The following LIN7A variants were observed in gnomAD, a reference collection of about 807,000 sequenced individuals.
LIN7A encodes protein lin-7 homolog A.
Under a neutral mutation model 29.8 loss-of-function variants are expected in LIN7A, and 25 were observed. The ratio of observed to expected loss-of-function variants is 0.84; its 90% confidence interval spans 0.61 to 1.17. The LOEUF is 1.17. LIN7A is among the 50% of genes most tolerant of loss of function. LIN7A has a pLI of 0.00. For synonymous variants in LIN7A, 118 were observed against 107.5 expected (o/e 1.10, Z -0.60); for missense variants, 239 against 287.0 (o/e 0.83, Z 1.21).
chr12:80,866,982 G>A (rs1171224992), intron 2 of LIN7A, among the ~76,000 whole-genome samples: 3 of 151,964 alleles, frequency 2.0e-5, no homozygotes, highest in Admixed American at 2.0e-4. Context: ...TTATTTTAGA[G>A]ACAGAATCTT....
chr12:80,809,727 G>A (rs1263825089), intron 5 of LIN7A, among the ~76,000 whole-genome samples: 1 of 151,906 alleles, frequency 6.6e-6, no homozygotes, highest in African/African-American at 2.4e-5. Flanking sequence ...TCTAAGATGG[G>A]GTCTCTTAAC....
chr12:80,868,149 C>T (rs1874236303), intron 2 of LIN7A, among the ~76,000 whole-genome samples: 9 of 152,168 alleles, frequency 5.9e-5, no homozygotes, highest in Non-Finnish European at 1.2e-4. Context: ...TTGCCTCCCG[C>T]AAGAGTGTAA....
Position 80,807,066 on chromosome 12 carries a change from T to TTTTTTTTG in LIN7A, c.*4398_*4399insCAAAAAAA, listed in dbSNP as rs1565883739. Among the ~76,000 whole-genome samples the TTTTTTTTG allele has an allele frequency of 5.0e-4, 25 of 50,146 alleles. 1 individual carries two copies. The highest frequency in any genetic ancestry group is 9.2e-4 in the Non-Finnish European group (23 of 25,050). The allele number at this position is 50,146 out of a possible 152,430, so 32.9% of individuals were successfully genotyped here. A position where few individuals can be genotyped will look rare whatever the true frequency, so the allele number is the denominator to read the frequency against. On this transcript the variant is annotated intron_variant, in intron 5 of 5. Transcript: ENST00000552864. The stretch of plus-strand genomic sequence containing the variant: ...TAGGAAATTTAATGAAGATGGAGTT[T>TTTTTTTTG]TTTTTTTTTTTTTTTTTTTTTTTTT...
intron 4 of LIN7A, among the ~76,000 whole-genome samples, chr12:80,824,643 A>G (rs1043581606): frequency 2.6e-5 from 4 of 152,226 alleles, no homozygotes; most frequent in African/African-American, 4.8e-5. Context: ...AAATCCAACA[A>G]CATATCAAAA....
intron 5 of LIN7A, among the ~76,000 whole-genome samples, chr12:80,807,077 T>TTTGTTTTTTTGTTG (rs1565883817): frequency 8.7e-6 from 1 of 115,538 alleles, no homozygotes; most frequent in African/African-American, 3.2e-5. Context: ...TTTTTTTTTT[T>TTTGTTTTTTTGTTG]TTTTTTTTTT....
intron 2 of LIN7A, among the ~76,000 whole-genome samples, chr12:80,882,979 C>T (rs934883846): frequency 6.6e-6 from 1 of 152,104 alleles, no homozygotes; most frequent in African/African-American, 2.4e-5. Context: ...CCATCCATTG[C>T]CAATATTCTT....
intron 4 of LIN7A, among the ~76,000 whole-genome samples, chr12:80,834,979 C>T (rs1920993): frequency 0.86 from 130,067 of 152,084 alleles, 55,977 homozygotes; most frequent in African/African-American, 0.94. Flanking sequence ...AGGATTAAAT[C>T]GAATCATTGG....
chr12:80,838,988 C>T (rs1872696003), intron 4 of LIN7A, among the ~76,000 whole-genome samples: 1 of 152,210 alleles, frequency 6.6e-6, no homozygotes, highest in Admixed American at 6.5e-5. Context: ...CACACATCTG[C>T]AGTGGTGAAT....
intron 2 of LIN7A, among the ~76,000 whole-genome samples, chr12:80,881,061 G>T (rs1875003950): frequency 6.6e-6 from 1 of 151,968 alleles, no homozygotes; most frequent in African/African-American, 2.4e-5. Flanking sequence ...AGTTATTTAT[G>T]GTTTCTTTTG....
At chr12:80,872,656 T>C (rs541368836) in intron 2 of LIN7A, among the ~76,000 whole-genome samples, 1 of 152,344 alleles carries the variant, frequency 6.6e-6, no homozygotes, top group African/African-American at 2.4e-5. Context: ...TAAAATTCTT[T>C]GTCACATTTG....
chr12:80,818,727 A>G (rs1266303767), intron 4 of LIN7A, among the ~76,000 whole-genome samples: 3 of 152,196 alleles, frequency 2.0e-5, no homozygotes, highest in African/African-American at 7.2e-5. Flanking sequence ...TGACCTAGGA[A>G]TATATAAATA....
chr12:80,818,334 A>G (rs1871634245), intron 4 of LIN7A, among the ~76,000 whole-genome samples: 2 of 152,154 alleles, frequency 1.3e-5, no homozygotes, highest in South Asian at 4.1e-4. Context: ...ATGTGTGTAT[A>G]TGTATACTGT....
At chr12:80,806,521 A>T (rs1174843109) in intron 5 of LIN7A, among the ~76,000 whole-genome samples, 2 of 152,214 alleles carry the variant, frequency 1.3e-5, no homozygotes, top group Non-Finnish European at 2.9e-5. Flanking sequence ...AACTTTTACC[A>T]TCTCAGATAA....
Position 80,937,909 on chromosome 12 carries a change from A to C in LIN7A, c.-187T>G, listed in dbSNP as rs911130942. The C allele has an allele frequency of 8.9e-6, 4 of 448,372 alleles. No homozygotes were observed. Among genetic ancestry groups the C allele is most frequent in the African/African-American group, 4.1e-5 (2 of 49,124 alleles). The allele number at this position is 448,372 out of a possible 1,614,324, so 27.8% of individuals were successfully genotyped here. On this transcript the variant is annotated 5_prime_UTR_variant, in exon 1 of 6. Coordinates refer to ENST00000552864, the MANE Select transcript of LIN7A (RefSeq NM_004664.4). ...CGGCAGATCTTCAGTTGCGGTGCGGAGCTGAGCAGGTATCCGAGAGCGACT... is the reference window on the plus strand; with the variant it reads ...CGGCAGATCTTCAGTTGCGGTGCGGCGCTGAGCAGGTATCCGAGAGCGACT...
In LIN7A at chr12:80,796,803, C is replaced by T. The variant is rs1277910260; in HGVS notation, c.*924G>A. 2 of 151,980 alleles carry T rather than the reference C, an allele frequency of 1.3e-5. No homozygotes were observed. The highest frequency in any genetic ancestry group is 2.9e-5 in the Non-Finnish European group (2 of 67,976). 9.4% of individuals were successfully genotyped at this position (151,980 alleles called of 1,614,324 possible). A position where few individuals can be genotyped will look rare whatever the true frequency, so the allele number is the denominator to read the frequency against. On this transcript the variant is annotated 3_prime_UTR_variant, in exon 6 of 6. Coordinates refer to ENST00000552864, the MANE Select transcript of LIN7A (RefSeq NM_004664.4). ...GAGTTTAGATTTCTTCAGTGTTTAT[C>T]AATCAAAAAGTATAAAACTCAAAAA...
chr12:80,930,475 T>G (rs1877838766), intron 1 of LIN7A, among the ~76,000 whole-genome samples: 1 of 152,240 alleles, frequency 6.6e-6, no homozygotes, highest in Non-Finnish European at 1.5e-5. Context: ...CATTTTAATT[T>G]GTTTATTAGG....
intron 1 of LIN7A, among the ~76,000 whole-genome samples, chr12:80,935,182 GA>G (rs1409285411): frequency 5.9e-5 from 9 of 152,264 alleles, no homozygotes; most frequent in African/African-American, 2.2e-4. Flanking sequence ...ATTCAAAGAT[GA>G]ATTTAGAAAT....
At chr12:80,885,397 T>A (rs1043159224) in intron 2 of LIN7A, among the ~76,000 whole-genome samples, 1 of 152,148 alleles carries the variant, frequency 6.6e-6, no homozygotes, top group African/African-American at 2.4e-5. Context: ...CTTGTGTAAA[T>A]GTGCTCTTAT....
intron 5 of LIN7A, among the ~76,000 whole-genome samples, chr12:80,801,362 GAGA>G (rs1049653838): frequency 4.6e-5 from 7 of 152,232 alleles, no homozygotes; most frequent in African/African-American, 1.4e-4. Context: ...AATGCAATGT[GAGA>G]AGGATTCCAC....
Sources: allele counts gnomAD v4.1 joint callset (sites outside exome capture counted in the v4.1 genomes callset), GRCh38; gene constraint gnomAD v4.1.1; transcripts MANE v1.5; gene names NCBI Gene and HGNC (gene_info 2026-07-23, HGNC 2026-07-21).